The following SLFN13 variants were observed in gnomAD, a reference collection of about 807,000 sequenced individuals.
The protein encoded by SLFN13 is schlafen family member 13, also known as schlafen-13.
SLFN13 carries 43 observed loss-of-function variants against 50.6 expected under a neutral mutation model. That is an observed-to-expected ratio of 0.85 (90% CI 0.67 to 1.09). The LOEUF (loss-of-function observed/expected upper bound fraction) is 1.09. Ranked by LOEUF, SLFN13 falls within the 50% of genes least tolerant of loss-of-function variation. SLFN13 has a pLI of 0.00. For missense variants in SLFN13, 881 were observed against 1,071.1 expected (o/e 0.82, Z 2.48); for synonymous variants, 339 against 386.5 (o/e 0.88, Z 1.44).
Position 35,441,716 on chromosome 17 carries a change from C to G in SLFN13, c.1769G>C (p.Arg590Pro). Reference sequence around the variant, plus strand: ...GTGGACAAACAACTCTCTGTTCTTGCGGAGGCTTCTGGAGAATATCTCATA... The same window carrying G: ...GTGGACAAACAACTCTCTGTTCTTGGGGAGGCTTCTGGAGAATATCTCATA... Reference protein sequence around the residue: ...QQYEIFSRSLRKNRELFVHGL... With the variant: ...QQYEIFSRSLPKNRELFVHGL... The change falls in exon 5 of 6, where the codon CGC becomes CCC. Residue 590 changes from arginine to proline, a missense_variant. Physicochemically the swap from Arg to Pro is moderately radical, Grantham distance 103. Coordinates refer to ENST00000285013, the MANE Select transcript of SLFN13 (RefSeq NM_144682.6). The G allele has an allele frequency of 6.3e-7, 1 of 1,577,560 alleles. No individual in the cohort carries two copies. The highest frequency in any genetic ancestry group is 8.6e-7 in the Non-Finnish European group (1 of 1,157,782).
Position 35,441,562 on chromosome 17 carries a change from C to T in SLFN13, c.1922+1G>A, listed in dbSNP as rs773541516. 1 of 1,609,538 alleles carries T rather than the reference C, an allele frequency of 6.2e-7. No individual in the cohort carries two copies. Among genetic ancestry groups the T allele is most frequent in the East Asian group, 2.2e-5 (1 of 44,874 alleles). The stretch of plus-strand genomic sequence containing the variant: ...TAAAGACGTAAGATCCAACTGCTTA[C>T]CTGATAAAGTTCCTCAGAGGCTGGT... On this transcript the variant is annotated splice_donor_variant, in intron 5 of 5. Transcript: ENST00000285013. LOFTEE classifies it high-confidence loss of function.
Position 35,440,414 on chromosome 17 carries a change from G to A in SLFN13, c.*181C>T. 1.4e-6 allele frequency: 1 copy of A among 704,038 alleles called. No homozygotes were observed. Among genetic ancestry groups the A allele is most frequent in the Non-Finnish European group, 2.3e-6 (1 of 428,668 alleles). 43.6% of individuals were successfully genotyped at this position (704,038 alleles called of 1,614,324 possible). On this transcript the variant is annotated 3_prime_UTR_variant, in exon 6 of 6. Transcript: ENST00000285013. ...GGGGCAGCCACCACTGCTGAAAAGAGTTGGGGGAGGAACCCCTGAAAGGAG... is the reference window on the plus strand; with the variant it reads ...GGGGCAGCCACCACTGCTGAAAAGAATTGGGGGAGGAACCCCTGAAAGGAG...
rs1159185174 is a variant in SLFN13, at chr17:35,435,818, G to A, written c.*4777C>T. The A allele has an allele frequency of 1.3e-5, 2 of 151,968 alleles. No homozygotes were observed. The highest frequency in any genetic ancestry group is 6.6e-5 in the Admixed American group (1 of 15,258). The allele number at this position is 151,968 out of a possible 1,614,324, so 9.4% of individuals were successfully genotyped here. A position where few individuals can be genotyped will look rare whatever the true frequency, so the allele number is the denominator to read the frequency against. The stretch of plus-strand genomic sequence containing the variant: ...AAACTGGCACCCAGGCTAGAGTGCG[G>A]TGATGCAGTCACAGCTCAGTGCAGA... On this transcript the variant is annotated 3_prime_UTR_variant, in exon 6 of 6. Transcript: ENST00000285013.
rs12939048 is a variant in SLFN13 at position 35,442,118 on chromosome 17, C to T, written c.1367G>A (p.Gly456Glu). 1,324 of 1,614,234 alleles carry T rather than the reference C, an allele frequency of 8.2e-4. 5 individuals are homozygous for T. The African/African-American group carries it at 0.014, about 18-fold the overall frequency. Residue 456 changes from glycine to glutamate, a missense_variant, in exon 5 of 6, where the codon GGA (glycine) becomes GAA (glutamate). Gly to Glu is a moderately conservative substitution (Grantham distance 98). Around this residue, in one of 5 missense-constraint regions of SLFN13, gnomAD observed 15 missense variants for 29.0 expected, o/e 0.52. Transcript: ENST00000285013. The part of the protein sequence containing the change: ...AVDLNLQEKP[G>E]VICDALLIAQ... ...TATCAGCAGAGCATCACAGATGACT[C>T]CTGGCTTCTCCTGCAAGTTCAGGTC... is the stretch of plus-strand genomic sequence containing the variant.
chr17:35,442,695 G>A (rs554300725), intron 4 of SLFN13, among the ~76,000 whole-genome samples: 2 of 151,934 alleles, frequency 1.3e-5, no homozygotes, highest in Admixed American at 6.6e-5. Flanking sequence ...TGCCCGCCTC[G>A]GCCTCCCAAA....
rs140907665 is a variant in SLFN13 at position 35,443,564 on chromosome 17, C to A, written c.1198+225G>T. ...AAGTTCTTGGTGTGGGCCTGGAGAT[C>A]TGCATGTTTAACTACCTTCCATGGC... On this transcript the variant is annotated intron_variant, in intron 4 of 5. Coordinates refer to ENST00000285013, the MANE Select transcript of SLFN13 (RefSeq NM_144682.6). 4.6e-5 allele frequency among the ~76,000 whole-genome samples: 7 copies of A among 152,286 alleles called. No individual in the cohort carries two copies. The East Asian group carries it at 9.6e-4, about 21-fold the overall frequency.
rs1912637713 is a variant in SLFN13, at chr17:35,436,060, T to C, written c.*4535A>G. The C allele has an allele frequency of 6.6e-6, 1 of 152,198 alleles. No individual in the cohort carries two copies. The highest frequency in any genetic ancestry group is 2.1e-4 in the South Asian group (1 of 4,836). The allele number at this position is 152,198 out of a possible 1,614,324, so 9.4% of individuals were successfully genotyped here. Reference sequence around the variant, plus strand: ...TTTTGTTTAGAATTTTTCATGTAGATATTTGAGTGATAATTGAGTGACCTG... The same window carrying C: ...TTTTGTTTAGAATTTTTCATGTAGACATTTGAGTGATAATTGAGTGACCTG... On this transcript the variant is annotated 3_prime_UTR_variant, in exon 6 of 6. Coordinates refer to ENST00000285013, the MANE Select transcript of SLFN13 (RefSeq NM_144682.6).
In SLFN13 at chr17:35,438,939, C is replaced by A. The variant is rs1286155561; in HGVS notation, c.*1656G>T. On this transcript the variant is annotated 3_prime_UTR_variant, in exon 6 of 6. Coordinates refer to ENST00000285013, the MANE Select transcript of SLFN13 (RefSeq NM_144682.6). ...GTTTTTAGTTTGATGAATGATCATA[C>A]AGCTGTGTTCTCAGGCTGCAATAAC... The A allele has an allele frequency of 6.6e-6, 1 of 151,696 alleles. No homozygotes were observed. Among genetic ancestry groups the A allele is most frequent in the African/African-American group, 2.4e-5 (1 of 41,330 alleles). 9.4% of individuals were successfully genotyped at this position (151,696 alleles called of 1,614,324 possible). A position where few individuals can be genotyped will look rare whatever the true frequency, so the allele number is the denominator to read the frequency against.
chr17:35,446,512 C>G (rs1281202765), intron 2 of SLFN13, among the ~76,000 whole-genome samples: 1 of 152,294 alleles, frequency 6.6e-6, no homozygotes, highest in Admixed American at 6.5e-5. Context: ...TTTACTCTTT[C>G]TAACTCTATT....
In SLFN13 at chr17:35,445,017, T is replaced by C. The variant is rs1283535758; in HGVS notation, c.664A>G (p.Ile222Val). The C allele has an allele frequency of 3.7e-6, 6 of 1,614,008 alleles. No individual in the cohort carries two copies. The Middle Eastern group carries it at 4.9e-4, about 133-fold the overall frequency. ...IEFKQFSTKH[I>V]QQYVENIIPE... ...ATTATATTTTCTACATATTGTTGGA[T>C]ATGTTTTGTAGAGAACTGTTTAAAC... is the stretch of plus-strand genomic sequence containing the variant. The change falls in exon 3 of 6, where the codon ATC (isoleucine) becomes GTC (valine). Residue 222 changes from isoleucine to valine, a missense_variant. Coordinates refer to ENST00000285013, the MANE Select transcript of SLFN13 (RefSeq NM_144682.6).
chr17:35,443,002 G>A (rs1213410993), intron 4 of SLFN13, among the ~76,000 whole-genome samples: 2 of 152,156 alleles, frequency 1.3e-5, no homozygotes, highest in East Asian at 3.8e-4. Flanking sequence ...CCTAAGGAAG[G>A]CCTAATATAT....
intron 2 of SLFN13, chr17:35,447,021 A>C (rs1913245644): frequency 6.6e-6 from 1 of 152,194 alleles, no homozygotes; most frequent in Admixed American, 6.5e-5. Context: ...AGCCTAGATA[A>C]GCTGATAGTT....
Position 35,441,162 on chromosome 17 carries a change from G to C in SLFN13, c.2127C>G (p.His709Gln). Residue 709 changes from histidine to glutamine, a missense_variant, in exon 6 of 6, where the codon CAC (histidine) becomes CAG (glutamine). Around this residue, in one of 5 missense-constraint regions of SLFN13, gnomAD observed 322 missense variants for 327.4 expected, o/e 0.98. Coordinates refer to ENST00000285013, the MANE Select transcript of SLFN13 (RefSeq NM_144682.6). ...GAGGGGGAAGGCCACTGTGACCCAAGTGACTGGTCTGAAAGTAGTCCAGAA... is the reference window on the plus strand; with the variant it reads ...GAGGGGGAAGGCCACTGTGACCCAACTGACTGGTCTGAAAGTAGTCCAGAA... ...WIFLDYFQTS[H>Q]LGHSGLPPLS... The C allele has an allele frequency of 6.2e-7, 1 of 1,614,040 alleles. No homozygotes were observed. The highest frequency in any genetic ancestry group is 8.5e-7 in the Non-Finnish European group (1 of 1,179,976).
Position 35,440,232 on chromosome 17 carries a change from G to A in SLFN13, c.*363C>T, listed in dbSNP as rs563899473. On this transcript the variant is annotated 3_prime_UTR_variant, in exon 6 of 6. Coordinates refer to ENST00000285013, the MANE Select transcript of SLFN13 (RefSeq NM_144682.6). ...TACACGAAGTCACATAAAAGAACTCGAGAACTCCAGCCTTGGAAGAAAGGC... is the reference window on the plus strand; with the variant it reads ...TACACGAAGTCACATAAAAGAACTCAAGAACTCCAGCCTTGGAAGAAAGGC... 7 of 209,376 alleles carry A rather than the reference G, an allele frequency of 3.3e-5. No individual in the cohort carries two copies. The highest frequency in any genetic ancestry group is 2.2e-4 in the East Asian group (2 of 9,134). The allele number at this position is 209,376 out of a possible 1,614,324, so 13.0% of individuals were successfully genotyped here.
At position 35,445,384 on chromosome 17, in the gene SLFN13, C is replaced by T. The variant is rs976815834; in HGVS notation, c.297G>A (p.Lys99=). 7 of 1,614,028 alleles carry T rather than the reference C, an allele frequency of 4.3e-6. No individual in the cohort carries two copies. In the African/African-American group the frequency reaches 6.7e-5, roughly 15 times the overall value. The change falls in exon 3 of 6, where the codon AAG becomes AAA. Residue 99 remains lysine, a synonymous_variant. Transcript: ENST00000285013. ...AAATATAAAAACACCTTCCGTGTTGCTTAGTCTCAAAGAAAGCCTGCAAAT... is the reference window on the plus strand; with the variant it reads ...AAATATAAAAACACCTTCCGTGTTGTTTAGTCTCAAAGAAAGCCTGCAAAT... ...YPYLQAFFET[K]QHGRCFYIFV...
chr17:35,447,732 C>G (rs1913289305), intron 1 of SLFN13, among the ~76,000 whole-genome samples: 1 of 152,180 alleles, frequency 6.6e-6, no homozygotes, highest in African/African-American at 2.4e-5. Context: ...ACACAGAGCT[C>G]TTTGTCCTTC....
At chr17:35,444,095 G>A in intron 3 of SLFN13, 175 bp from the exon 4 acceptor site, 2 of 557,058 alleles carry the variant, frequency 3.6e-6, no homozygotes, top group Non-Finnish European at 6.0e-6. Flanking sequence ...ATCATTAAAA[G>A]CCCTTTTTCT....
chr17:35,443,816 C>T lies in SLFN13; in HGVS notation c.1171G>A (p.Ala391Thr), dbSNP rs752498648. The change falls in exon 4 of 6, where the codon GCT (alanine) becomes ACT (threonine). Residue 391 changes from alanine to threonine, a missense_variant. Ala to Thr is a moderately conservative substitution (Grantham distance 58). Transcript: ENST00000285013. Reference sequence around the variant, plus strand: ...GGAAATAAATGTTGTTGTAGATCAGCTTTGTGTTCCAGACCTTTCTTAGAA... The same window carrying T: ...GGAAATAAATGTTGTTGTAGATCAGTTTTGTGTTCCAGACCTTTCTTAGAA... ...VYSKKGLEHK[A>T]DLQQHLFPVP... The T allele has an allele frequency of 1.9e-6, 3 of 1,612,416 alleles. No individual in the cohort carries two copies. In the African/African-American group the frequency reaches 4.0e-5, roughly 22 times the overall value.
In SLFN13 at chr17:35,439,770, C is replaced by G. The variant is rs991488950; in HGVS notation, c.*825G>C. 6.6e-6 allele frequency: 1 copy of G among 152,148 alleles called. No homozygotes were observed. The highest frequency in any genetic ancestry group is 1.5e-5 in the Non-Finnish European group (1 of 68,056). 9.4% of individuals were successfully genotyped at this position (152,148 alleles called of 1,614,324 possible). On this transcript the variant is annotated 3_prime_UTR_variant, in exon 6 of 6. Transcript: ENST00000285013. ...GGGATTACAGGTGTGAGCCACCGTG[C>G]CTGGCCAACGCTCATTGATTTTTAA...
Sources: gnomAD v4.1 joint callset for allele counts (sites outside exome capture counted in the v4.1 genomes callset) on GRCh38, gnomAD v4.1.1 for gene constraint, gnomAD v4.1.1 regional missense constraint, MANE v1.5 for transcripts, NCBI Gene and HGNC (gene_info 2026-07-23, HGNC 2026-07-21) for gene names.